SLC41A2: variants seen among roughly 807,000 people sequenced by gnomAD.
The protein encoded by SLC41A2 is SLC41A1-like 1.
In SLC41A2, 32 loss-of-function variants were observed where a neutral mutation model predicts 58.3. That is an observed-to-expected ratio of 0.55 (90% CI 0.41 to 0.74). The LOEUF (loss-of-function observed/expected upper bound fraction) is 0.74. SLC41A2 is among the 30% of genes least tolerant of loss of function. The pLI, the probability that SLC41A2 is intolerant of heterozygous loss-of-function variation, is 0.00. For missense variants in SLC41A2, 514 were observed against 680.6 expected (o/e 0.76, Z 2.72); for synonymous variants, 190 against 235.0 (o/e 0.81, Z 1.75).
At chr12:104,897,500 A>G (rs1020762267) in intron 3 of SLC41A2, among the ~76,000 whole-genome samples, 10 of 152,122 alleles carry the variant, frequency 6.6e-5, no homozygotes, top group African/African-American at 2.4e-4. Context: ...GGTGGTACTA[A>G]TCAATTAATT....
At chr12:104,916,253 C>T (rs1278023974) in intron 2 of SLC41A2, among the ~76,000 whole-genome samples, 18 of 152,078 alleles carry the variant, frequency 1.2e-4, no homozygotes, top group Non-Finnish European at 2.4e-4. Flanking sequence ...TGTCTCTGCC[C>T]GGCTTTGGTA....
chr12:104,895,643 T>G (rs2045241633), intron 3 of SLC41A2, among the ~76,000 whole-genome samples: 1 of 152,180 alleles, frequency 6.6e-6, no homozygotes, highest in Admixed American at 6.5e-5. Context: ...TCATCAGATA[T>G]TATCTTAGCA....
chr12:104,836,482 A>C (rs2042212120), intron 10 of SLC41A2, among the ~76,000 whole-genome samples: 2 of 152,376 alleles, frequency 1.3e-5, no homozygotes, highest in Admixed American at 6.5e-5. Context: ...TAGGTGAAGC[A>C]TATAAAATGG....
chr12:104,808,983 C>T (rs1051754849), intron 10 of SLC41A2, among the ~76,000 whole-genome samples: 2 of 152,164 alleles, frequency 1.3e-5, no homozygotes, highest in Admixed American at 6.5e-5. Flanking sequence ...GACAAGTTGG[C>T]AAGTATAGCA....
intron 9 of SLC41A2, among the ~76,000 whole-genome samples, chr12:104,845,160 C>T (rs900550462): frequency 6.6e-6 from 1 of 151,966 alleles, no homozygotes; most frequent in Non-Finnish European, 1.5e-5. Context: ...AGCAAAGTGG[C>T]TCGTGCCTGT....
chr12:104,882,228 G>A (rs981938820), intron 6 of SLC41A2, among the ~76,000 whole-genome samples: 6 of 151,952 alleles, frequency 3.9e-5, no homozygotes, highest in African/African-American at 1.5e-4. Context: ...CATAAGATGG[G>A]TCTCCTGAAT....
At chr12:104,949,113 G>T (rs111649010) in intron 1 of SLC41A2, among the ~76,000 whole-genome samples, 5,820 of 152,238 alleles carry the variant, frequency 0.038, 151 homozygotes, top group East Asian at 0.1. Context: ...AGCTACTTGG[G>T]AGGCTGAGGC....
chr12:104,903,623 A>G (rs1163312440), intron 3 of SLC41A2, among the ~76,000 whole-genome samples: 1 of 152,234 alleles, frequency 6.6e-6, no homozygotes, highest in Non-Finnish European at 1.5e-5. Context: ...CTACTGATCT[A>G]ACATACCAAC....
At chr12:104,927,575 T>C (rs2046892505) in intron 2 of SLC41A2, among the ~76,000 whole-genome samples, 1 of 152,164 alleles carries the variant, frequency 6.6e-6, no homozygotes, top group Non-Finnish European at 1.5e-5. Flanking sequence ...GAGTTTTGAT[T>C]CGGAGATAAG....
chr12:104,812,886 T>G (rs2041235892), intron 10 of SLC41A2, among the ~76,000 whole-genome samples: 1 of 151,978 alleles, frequency 6.6e-6, no homozygotes, highest in Non-Finnish European at 1.5e-5. Flanking sequence ...ATTAAGAAAT[T>G]TAAAAATTCA....
intron 8 of SLC41A2, among the ~76,000 whole-genome samples, chr12:104,857,445 C>A (rs1331311377): frequency 6.6e-6 from 1 of 152,132 alleles, no homozygotes; most frequent in Non-Finnish European, 1.5e-5. Flanking sequence ...GACAGTGTGG[C>A]AATTCCTCAA....
intron 1 of SLC41A2, among the ~76,000 whole-genome samples, chr12:104,930,686 C>T (rs372647065): frequency 5.3e-5 from 8 of 152,176 alleles, no homozygotes; most frequent in African/African-American, 1.9e-4. Flanking sequence ...GACAGTGTCA[C>T]CATTCAGCCA....
intron 6 of SLC41A2, among the ~76,000 whole-genome samples, chr12:104,868,913 T>G (rs1300264043): frequency 6.6e-6 from 1 of 152,168 alleles, no homozygotes; most frequent in African/African-American, 2.4e-5. Context: ...ATGATTACTT[T>G]TACATACAAG....
chr12:104,810,419 CAT>C (rs1566092046), intron 10 of SLC41A2, among the ~76,000 whole-genome samples: 1 of 151,966 alleles, frequency 6.6e-6, no homozygotes, highest in African/African-American at 2.4e-5. Flanking sequence ...TATAATATTA[CAT>C]GTTTACATAT....
At chr12:104,874,276 G>C (rs1158885245) in intron 6 of SLC41A2, among the ~76,000 whole-genome samples, 1 of 151,836 alleles carries the variant, frequency 6.6e-6, no homozygotes, top group Non-Finnish European at 1.5e-5. Context: ...GGTTTTCACC[G>C]TGTTAGCCAG....
intron 8 of SLC41A2, among the ~76,000 whole-genome samples, chr12:104,858,298 C>T (rs1162149796): frequency 2.0e-5 from 3 of 151,846 alleles, no homozygotes; most frequent in Non-Finnish European, 4.4e-5. Context: ...AAATTAGTAG[C>T]TGCATATTTT....
At chr12:104,910,342 A>G (rs1306112199) in intron 2 of SLC41A2, among the ~76,000 whole-genome samples, 1 of 152,142 alleles carries the variant, frequency 6.6e-6, no homozygotes, top group Admixed American at 6.5e-5. Flanking sequence ...AAACAGCACT[A>G]AACTGGAAAT....
chr12:104,816,452 A>T (rs1243561317), intron 10 of SLC41A2, among the ~76,000 whole-genome samples: 1 of 152,166 alleles, frequency 6.6e-6, no homozygotes, highest in Non-Finnish European at 1.5e-5. Context: ...GACTCTGAGG[A>T]TCCTGAGCAG....
At chr12:104,892,121 G>A (rs2135683753) in intron 4 of SLC41A2, among the ~76,000 whole-genome samples, 1 of 151,878 alleles carries the variant, frequency 6.6e-6, no homozygotes, top group East Asian at 1.9e-4. Context: ...CTAACATGGT[G>A]AAACCCCATC....
Sources: allele counts gnomAD v4.1 joint callset (sites outside exome capture counted in the v4.1 genomes callset), GRCh38; gene constraint gnomAD v4.1.1; transcripts MANE v1.5; gene names NCBI Gene and HGNC (gene_info 2026-07-23, HGNC 2026-07-21).